Variants in RNF216 observed in about 807,000 individuals in gnomAD.
RNF216 encodes the protein E3 ubiquitin-protein ligase RNF216.
A neutral mutation model predicts 110.8 loss-of-function variants in RNF216; 72 were observed. That is an observed-to-expected ratio of 0.65 (90% CI 0.54 to 0.79). The LOEUF (loss-of-function observed/expected upper bound fraction) is 0.79, where lower values mean the gene tolerates loss of function less well. RNF216 is among the 30% of genes least tolerant of loss of function. RNF216 has a pLI of 0.00. For synonymous variants in RNF216, 495 were observed against 407.5 expected, an observed-to-expected ratio of 1.21 and a Z score of -2.59; for missense variants, 1,342 against 1,141.2, an observed-to-expected ratio of 1.18 and a Z score of -2.54.
At chr7:5,643,552 A>G (rs905914184) in intron 14 of RNF216, among the ~76,000 whole-genome samples, 1 of 152,076 alleles carries the variant, frequency 6.6e-6, no homozygotes, top group Admixed American at 6.6e-5. Context: ...ACCACCAGCC[A>G]GTGTGTGGGT....
In RNF216 at chr7:5,622,985, T is replaced by G; in HGVS notation, c.2647A>C (p.Ile883Leu). The change falls in exon 17 of 17, where the codon ATC (isoleucine) becomes CTC (leucine). Residue 883 changes from isoleucine (I) to leucine (L), a missense_variant. By Grantham distance (5) the Ile-to-Leu change is conservative (BLOSUM62 2). Transcript: ENST00000389902. ...FNNFPLNMGP[I>L]PAPYVPPLPN... ...AGAGGGGGCACGTACGGGGCTGGGATAGGCCCCATGTTGAGTGGGAAGTTG... is the reference window on the plus strand; with the variant it reads ...AGAGGGGGCACGTACGGGGCTGGGAGAGGCCCCATGTTGAGTGGGAAGTTG... The G allele has an allele frequency of 1.2e-6, 2 of 1,613,962 alleles. No homozygotes were observed. The highest frequency in any genetic ancestry group is 2.2e-5 in the South Asian group (2 of 91,072).
intron 3 of RNF216, among the ~76,000 whole-genome samples, chr7:5,746,442 G>A (rs1467338643): frequency 1.3e-5 from 2 of 152,158 alleles, no homozygotes; most frequent in Non-Finnish European, 2.9e-5. Flanking sequence ...AGCATACAGG[G>A]GTGCAGTTTT....
At chr7:5,733,667 A>C (rs978570765) in intron 5 of RNF216, among the ~76,000 whole-genome samples, 6 of 151,260 alleles carry the variant, frequency 4.0e-5, no homozygotes, top group African/African-American at 1.4e-4. Flanking sequence ...ATTAACCAAA[A>C]AAAAAAAAAA....
At chr7:5,635,510 C>T (rs1451801743) in intron 15 of RNF216, among the ~76,000 whole-genome samples, 1 of 152,122 alleles carries the variant, frequency 6.6e-6, no homozygotes, top group African/African-American at 2.4e-5. Flanking sequence ...TCTGCGTTTC[C>T]TCATCAATCC....
chr7:5,762,691 C>T (rs1356647906), intron 1 of RNF216, among the ~76,000 whole-genome samples: 1 of 150,402 alleles, frequency 6.6e-6, no homozygotes, highest in Non-Finnish European at 1.5e-5. Context: ...GACTCTGTCT[C>T]GAAAACAAAC....
chr7:5,678,707 G>C (rs183315336), intron 13 of RNF216, among the ~76,000 whole-genome samples: 2 of 152,358 alleles, frequency 1.3e-5, no homozygotes, highest in East Asian at 3.9e-4. Flanking sequence ...TACCCTCCAA[G>C]CACGCTTCCA....
chr7:5,720,905 T>G (rs1462322461), intron 9 of RNF216, 128 bp downstream of exon 9: 6 of 854,824 alleles, frequency 7.0e-6, no homozygotes, highest in Non-Finnish European at 1.1e-5. Flanking sequence ...TTTAAAAACT[T>G]TGCATATATC....
At chr7:5,704,492 A>G (rs1213536376) in intron 13 of RNF216, among the ~76,000 whole-genome samples, 1 of 152,238 alleles carries the variant, frequency 6.6e-6, no homozygotes, top group Non-Finnish European at 1.5e-5. Context: ...CGCTAATAAC[A>G]TGGACTTCTT....
At chr7:5,777,545 T>C (rs973170058) in intron 1 of RNF216, 1 of 152,204 alleles carries the variant, frequency 6.6e-6, no homozygotes, top group Non-Finnish European at 1.5e-5. Flanking sequence ...ATGGGATCTG[T>C]GTATGTCACT....
intron 13 of RNF216, among the ~76,000 whole-genome samples, chr7:5,657,471 G>A (rs1327759729): frequency 6.6e-6 from 1 of 152,188 alleles, no homozygotes; most frequent in Non-Finnish European, 1.5e-5. Flanking sequence ...GGAGGCTGAG[G>A]CAGGAGAATA....
intron 13 of RNF216, among the ~76,000 whole-genome samples, chr7:5,689,914 C>T (rs1462754629): frequency 1.3e-5 from 2 of 148,794 alleles, no homozygotes; most frequent in African/African-American, 5.1e-5. Context: ...GCATTCCAGC[C>T]TGGGTGACTC....
chr7:5,739,961 C>T (rs932302883), intron 4 of RNF216, among the ~76,000 whole-genome samples: 2 of 151,064 alleles, frequency 1.3e-5, no homozygotes, highest in Non-Finnish European at 2.9e-5. Flanking sequence ...TGAGATCGCA[C>T]CACTGTACCC....
At chr7:5,776,016 G>A (rs1451563194) in intron 1 of RNF216, among the ~76,000 whole-genome samples, 1 of 152,024 alleles carries the variant, frequency 6.6e-6, no homozygotes, top group Non-Finnish European at 1.5e-5. Flanking sequence ...TCAAATACCA[G>A]TTGCTCATCC....
intron 13 of RNF216, among the ~76,000 whole-genome samples, chr7:5,702,916 G>A (rs1222639012): frequency 6.6e-6 from 1 of 152,134 alleles, no homozygotes; most frequent in Non-Finnish European, 1.5e-5. Context: ...CTTTAAGCCA[G>A]TGTCTATTTT....
At chr7:5,750,316 G>A (rs889731947) in intron 3 of RNF216, among the ~76,000 whole-genome samples, 18 of 152,266 alleles carry the variant, frequency 1.2e-4, no homozygotes, top group African/African-American at 4.3e-4. Context: ...TGGTTTCCTA[G>A]CAGAGACATT....
intron 13 of RNF216, among the ~76,000 whole-genome samples, chr7:5,704,973 G>A (rs1278746632): frequency 2.0e-5 from 3 of 152,038 alleles, no homozygotes; most frequent in African/African-American, 2.4e-5. Flanking sequence ...ACTGCAAAAC[G>A]TTGCTGAGGG....
chr7:5,715,265 C>G, intron 10 of RNF216, 75 bp from the exon 11 acceptor site: 1 of 1,465,716 alleles, frequency 6.8e-7, no homozygotes, highest in Non-Finnish European at 9.3e-7. Context: ...CCATCCTCAT[C>G]TCTCTGCCAC....
At chr7:5,660,097 A>G (rs1789007360) in intron 13 of RNF216, among the ~76,000 whole-genome samples, 2 of 150,932 alleles carry the variant, frequency 1.3e-5, no homozygotes, top group Admixed American at 1.3e-4. Context: ...TCGGACTATG[A>G]ACACGTGCCA....
chr7:5,622,826 G>T lies in RNF216; in HGVS notation c.*34C>A. On this transcript the variant is annotated 3_prime_UTR_variant, in exon 17 of 17. Transcript: ENST00000389902. ...CTCCATCCACACTCCTACCCCAAAC[G>T]GGCTTTGTGCTGCTCAATGGGGATT... is the stretch of plus-strand genomic sequence containing the variant. The T allele has an allele frequency of 1.3e-6, 2 of 1,554,362 alleles. No individual in the cohort carries two copies. Among genetic ancestry groups the T allele is most frequent in the Non-Finnish European group, 1.7e-6 (2 of 1,145,092 alleles).
Sources: allele counts gnomAD v4.1 joint callset (sites outside exome capture counted in the v4.1 genomes callset), GRCh38; gene constraint gnomAD v4.1.1; transcripts MANE v1.5; gene names NCBI Gene and HGNC (gene_info 2026-07-23, HGNC 2026-07-21).